Variants in CCSER1 observed in about 807,000 individuals in gnomAD.
CCSER1 encodes the protein coiled-coil serine rich protein 1, also known as serine-rich coiled-coil domain-containing protein 1.
In CCSER1, 41 loss-of-function variants were observed where a neutral mutation model predicts 82.0. That is an observed-to-expected ratio of 0.50 (90% confidence interval 0.39 to 0.65). CCSER1 has a LOEUF of 0.65. Among genes scored for constraint, CCSER1 ranks in the 30% least tolerant of loss-of-function variants. The pLI, the probability that CCSER1 is intolerant of heterozygous loss-of-function variation, is 0.00. For missense variants in CCSER1, 1,119 were observed against 1,064.2 expected (o/e 1.05, Z -0.72); for synonymous variants, 414 against 383.9 (o/e 1.08, Z -0.92).
intron 10 of CCSER1, among the ~76,000 whole-genome samples, chr4:91,287,748 A>T (rs999307177): frequency 2.0e-5 from 3 of 151,942 alleles, no homozygotes; most frequent in Non-Finnish European, 2.9e-5. Flanking sequence ...AGCAGGGAAA[A>T]GTTTTAAGTG....
intron 10 of CCSER1, among the ~76,000 whole-genome samples, chr4:91,232,121 A>G (rs1738673579): frequency 6.6e-6 from 1 of 151,876 alleles, no homozygotes; most frequent in South Asian, 2.1e-4. Flanking sequence ...AGAACACACT[A>G]TAAAAGCTTA....
At chr4:90,500,005 T>G (rs902009818) in intron 5 of CCSER1, among the ~76,000 whole-genome samples, 2 of 152,190 alleles carry the variant, frequency 1.3e-5, no homozygotes, top group Non-Finnish European at 1.5e-5. Flanking sequence ...GAAGAGAAAT[T>G]TAAAAGTACT....
At chr4:91,474,783 T>TTG (rs1560700538) in intron 10 of CCSER1, among the ~76,000 whole-genome samples, 3 of 104,378 alleles carry the variant, frequency 2.9e-5, no homozygotes, top group African/African-American at 7.1e-5. Flanking sequence ...ATATATATAT[T>TTG]TGTGTATATA....
chr4:90,326,324 T>C (rs1000431957), intron 3 of CCSER1, among the ~76,000 whole-genome samples: 1 of 152,134 alleles, frequency 6.6e-6, no homozygotes, highest in Admixed American at 6.6e-5. Flanking sequence ...CCTCCCAGAG[T>C]GCTGGGATTA....
chr4:90,329,574 C>A (rs1031708613), intron 3 of CCSER1, among the ~76,000 whole-genome samples: 5 of 152,028 alleles, frequency 3.3e-5, no homozygotes, highest in Non-Finnish European at 7.4e-5. Flanking sequence ...AGTTATTTAT[C>A]TATTAGATCT....
chr4:91,084,252 G>A (rs7677433), intron 9 of CCSER1, among the ~76,000 whole-genome samples: 105,336 of 151,992 alleles, frequency 0.69, 37,708 homozygotes, highest in African/African-American at 0.87. Context: ...CTTATATTTA[G>A]CTAATTATAC....
At chr4:91,257,315 G>T (rs1042963466) in intron 10 of CCSER1, among the ~76,000 whole-genome samples, 2 of 151,832 alleles carry the variant, frequency 1.3e-5, no homozygotes, top group Non-Finnish European at 2.9e-5. Flanking sequence ...TGAAATATTT[G>T]TTTTATTTTT....
intron 5 of CCSER1, among the ~76,000 whole-genome samples, chr4:90,524,123 A>G (rs937356654): frequency 6.6e-6 from 1 of 152,190 alleles, no homozygotes; most frequent in African/African-American, 2.4e-5. Flanking sequence ...TTGGGGAGAA[A>G]TTCTGAGAAT....
In CCSER1 at chr4:90,309,053, C is replaced by G; in HGVS notation, c.769C>G (p.Pro257Ala). 6.2e-7 allele frequency: 1 copy of G among 1,613,844 alleles called. No homozygotes were observed. Among genetic ancestry groups the G allele is most frequent in the Non-Finnish European group, 8.5e-7 (1 of 1,179,834 alleles). ...LSADLTTAQT[P>A]SEFLALTEDS... ...TGCTGATCTTACCACAGCTCAGACACCTTCAGAATTTTTAGCCTTGACTGA... is the reference window on the plus strand; with the variant it reads ...TGCTGATCTTACCACAGCTCAGACAGCTTCAGAATTTTTAGCCTTGACTGA... The change falls in exon 2 of 11, where the codon CCT becomes GCT. Residue 257 changes from proline to alanine, a missense_variant. Coordinates refer to ENST00000509176, the MANE Select transcript of CCSER1 (RefSeq NM_001145065.2).
chr4:90,658,903 A>C (rs557183974), intron 6 of CCSER1, among the ~76,000 whole-genome samples: 10 of 152,306 alleles, frequency 6.6e-5, no homozygotes, highest in African/African-American at 2.4e-4. Context: ...ATATAGTTTA[A>C]GTAACTTGAA....
At chr4:90,134,942 T>A (rs572884805) in intron 1 of CCSER1, among the ~76,000 whole-genome samples, 1 of 152,348 alleles carries the variant, frequency 6.6e-6, no homozygotes, top group African/African-American at 2.4e-5. Context: ...TATTTTATAA[T>A]GTGTTTAAAT....
At chr4:91,248,610 T>C (rs2094141398) in intron 10 of CCSER1, among the ~76,000 whole-genome samples, 1 of 152,104 alleles carries the variant, frequency 6.6e-6, no homozygotes, top group African/African-American at 2.4e-5. Flanking sequence ...ATCAAAGTCA[T>C]TCAAAAACAA....
chr4:90,309,182 TCTGCTG>T lies in CCSER1; in HGVS notation c.902_907del (p.Ala301_Ala302del). On this transcript the variant is annotated inframe_deletion, in exon 2 of 11. Coordinates refer to ENST00000509176, the MANE Select transcript of CCSER1 (RefSeq NM_001145065.2). ...TTCTACCTCTCAGATGTCCCTCAATTCTGCTGCTGTTACAAAGACAACAACAGAACT... is the reference window on the plus strand; with the variant it reads ...TTCTACCTCTCAGATGTCCCTCAATTCTGTTACAAAGACAACAACAGAACT... 1 of 1,613,902 alleles carries T rather than the reference TCTGCTG, an allele frequency of 6.2e-7. No homozygotes were observed. The highest frequency in any genetic ancestry group is 1.1e-5 in the South Asian group (1 of 91,086).
At chr4:90,209,455 G>A (rs1396727401) in intron 1 of CCSER1, among the ~76,000 whole-genome samples, 1 of 152,136 alleles carries the variant, frequency 6.6e-6, no homozygotes, top group Non-Finnish European at 1.5e-5. Context: ...TAGGCCAGTG[G>A]TGTGGTCCCA....
chr4:90,849,264 C>T (rs571123716), intron 8 of CCSER1, among the ~76,000 whole-genome samples: 4 of 152,038 alleles, frequency 2.6e-5, no homozygotes, highest in African/African-American at 9.7e-5. Flanking sequence ...GAAGTCTGGG[C>T]CGAGGTGGTC....
chr4:90,921,803 T>C (rs2150244887), intron 8 of CCSER1, among the ~76,000 whole-genome samples: 1 of 152,158 alleles, frequency 6.6e-6, no homozygotes, highest in East Asian at 1.9e-4. Context: ...AAAATTTACT[T>C]TTCATGTACT....
intron 10 of CCSER1, among the ~76,000 whole-genome samples, chr4:91,379,265 T>A (rs1315036389): frequency 6.6e-6 from 1 of 152,208 alleles, no homozygotes; most frequent in African/African-American, 2.4e-5. Context: ...GCTGGCCTCA[T>A]AAAATGAGTT....
chr4:90,310,425 T>C (rs1735096380), intron 2 of CCSER1, among the ~76,000 whole-genome samples: 1 of 152,116 alleles, frequency 6.6e-6, no homozygotes, highest in African/African-American at 2.4e-5. Flanking sequence ...CTGCTACTAA[T>C]AATTTTCCCA....
chr4:90,734,235 C>A (rs1231799990), intron 7 of CCSER1, among the ~76,000 whole-genome samples: 1 of 151,944 alleles, frequency 6.6e-6, no homozygotes, highest in Non-Finnish European at 1.5e-5. Flanking sequence ...TTGCCATTCT[C>A]CTGCCTCTGC....
Sources: allele counts gnomAD v4.1 joint callset (sites outside exome capture counted in the v4.1 genomes callset), GRCh38; gene constraint gnomAD v4.1.1; transcripts MANE v1.5; gene names NCBI Gene and HGNC (gene_info 2026-07-23, HGNC 2026-07-21).